The following GPAT4 variants were observed in gnomAD, a reference collection of about 807,000 sequenced individuals.
The protein encoded by GPAT4 is glycerol-3-phosphate acyltransferase 4.
In GPAT4, 17 loss-of-function variants were observed where a neutral mutation model predicts 58.0. The observed-to-expected ratio is 0.29, with a 90% CI of 0.20 to 0.44. The LOEUF (loss-of-function observed/expected upper bound fraction) is 0.44. Ranked by LOEUF, GPAT4 falls within the 20% of genes least tolerant of loss-of-function variation. The pLI is 1.00. For synonymous variants in GPAT4, 204 were observed against 210.1 expected (o/e 0.97, Z 0.25); for missense variants, 377 against 574.5 (o/e 0.66, Z 3.51).
Position 41,596,706 on chromosome 8 carries a change from T to TA in GPAT4, c.-848-1584dup, listed in dbSNP as rs1802944313. Among the ~76,000 whole-genome samples, 9 of 152,344 alleles carry TA rather than the reference T, an allele frequency of 5.9e-5. 1 individual carries two copies. In the South Asian group the frequency reaches 1.9e-3, roughly 32 times the overall value. On this transcript the variant is annotated intron_variant, in intron 1 of 12. Transcript: ENST00000396987. Reference sequence around the variant, plus strand: ...CTCCACAGGGCAGGCCTAAGTCACCTAAGGGGCTGCCTTGGCCTTCCTCTA... The same window carrying TA: ...CTCCACAGGGCAGGCCTAAGTCACCTAAAGGGGCTGCCTTGGCCTTCCTCTA...
chr8:41,612,055 C>G (rs1373635123), intron 6 of GPAT4, 63 bp downstream of exon 6: 2 of 1,597,288 alleles, frequency 1.3e-6, no homozygotes, highest in East Asian at 2.2e-5. Flanking sequence ...CCCACCTATA[C>G]TTAGCCAAAT....
At chr8:41,583,598 C>G (rs903871885) in intron 1 of GPAT4, among the ~76,000 whole-genome samples, 1 of 151,920 alleles carries the variant, frequency 6.6e-6, no homozygotes, top group South Asian at 2.1e-4. Context: ...TTTTTTCATG[C>G]TAAGTCATTG....
At chr8:41,601,851 C>T (rs965181926) in intron 2 of GPAT4, among the ~76,000 whole-genome samples, 1 of 152,220 alleles carries the variant, frequency 6.6e-6, no homozygotes, top group African/African-American at 2.4e-5. Context: ...ATGGAAAATT[C>T]ATCATATGTG....
At position 41,621,206 on chromosome 8, in the gene GPAT4, C is replaced by A; in HGVS notation, c.*205C>A. 1.5e-6 allele frequency: 1 copy of A among 680,860 alleles called. No individual in the cohort carries two copies. The highest frequency in any genetic ancestry group is 2.4e-6 in the Non-Finnish European group (1 of 414,794). The allele number at this position is 680,860 out of a possible 1,614,324, so 42.2% of individuals were successfully genotyped here. ...CTACCCTTGGTGGTCTAAACGGATG[C>A]TGCTGGGTGTTGCGACCCAGGACGA... On this transcript the variant is annotated 3_prime_UTR_variant, in exon 13 of 13. Coordinates refer to ENST00000396987, the MANE Select transcript of GPAT4 (RefSeq NM_178819.4).
chr8:41,599,344 G>T, intron 2 of GPAT4, 40 bp downstream of exon 2: 2 of 1,599,734 alleles, frequency 1.3e-6, no homozygotes, highest in Non-Finnish European at 1.7e-6. Context: ...CACAGAGGAG[G>T]GTAGAAGTGC....
intron 8 of GPAT4, 73 bp downstream of exon 8, chr8:41,613,033 C>A: frequency 1.6e-6 from 2 of 1,287,766 alleles, no homozygotes; most frequent in Non-Finnish European, 2.2e-6. Flanking sequence ...GTTATCCCTC[C>A]ACAGTGCAGT....
chr8:41,618,364 T>C (rs1280740431), intron 10 of GPAT4, among the ~76,000 whole-genome samples: 2 of 152,154 alleles, frequency 1.3e-5, no homozygotes, highest in Non-Finnish European at 2.9e-5. Context: ...TCCCTGGTTT[T>C]GGAGATGTTT....
chr8:41,619,906 T>C (rs934493116), intron 12 of GPAT4, among the ~76,000 whole-genome samples: 2 of 152,234 alleles, frequency 1.3e-5, no homozygotes, highest in African/African-American at 4.8e-5. Context: ...GGGCCCTGTG[T>C]GATCGTCTCT....
chr8:41,578,740 C>T (rs571238319), intron 1 of GPAT4, among the ~76,000 whole-genome samples: 4 of 152,350 alleles, frequency 2.6e-5, no homozygotes, highest in African/African-American at 7.2e-5. Context: ...CAAATGCATG[C>T]TCCCATTTTT....
intron 2 of GPAT4, among the ~76,000 whole-genome samples, chr8:41,607,540 CTT>C (rs397946899): frequency 3.8e-4 from 53 of 140,120 alleles, no homozygotes; most frequent in East Asian, 6.1e-4. Flanking sequence ...GTTTCTCTCT[CTT>C]TTTTTTTTTT....
rs1803742367 is a variant in GPAT4 at position 41,621,253 on chromosome 8, T to TA, written c.*254dup. On this transcript the variant is annotated 3_prime_UTR_variant, in exon 13 of 13. Transcript: ENST00000396987. The stretch of plus-strand genomic sequence containing the variant: ...ACGAGATGCCTTGTTTCTTTTACAA[T>TA]AAGTCGTTGGAGGAATGCCATTAAA... The TA allele has an allele frequency of 5.6e-6, 3 of 532,026 alleles. No individual in the cohort carries two copies. Among genetic ancestry groups the TA allele is most frequent in the Non-Finnish European group, 3.4e-6 (1 of 297,186 alleles). The allele number at this position is 532,026 out of a possible 1,614,324, so 33.0% of individuals were successfully genotyped here. A position where few individuals can be genotyped will look rare whatever the true frequency, so the allele number is the denominator to read the frequency against.
At chr8:41,589,017 G>A (rs1298384053) in intron 1 of GPAT4, among the ~76,000 whole-genome samples, 1 of 152,150 alleles carries the variant, frequency 6.6e-6, no homozygotes, top group African/African-American at 2.4e-5. Context: ...ATTCTTAAGG[G>A]GTCATGCTTA....
intron 1 of GPAT4, among the ~76,000 whole-genome samples, chr8:41,580,021 C>A (rs1802471435): frequency 6.6e-6 from 1 of 152,056 alleles, no homozygotes; most frequent in East Asian, 1.9e-4. Context: ...TTCCACTGAC[C>A]CATACTACTT....
chr8:41,618,681 C>T lies in GPAT4; in HGVS notation c.1054-3C>T. ...CTTACCTCCAGCTTTCCATTGTTTTCAGTATGACCCTCAATTTGGCGATGC... is the reference window on the plus strand; with the variant it reads ...CTTACCTCCAGCTTTCCATTGTTTTTAGTATGACCCTCAATTTGGCGATGC... On this transcript the variant is annotated splice_polypyrimidine_tract_variant and splice_region_variant and intron_variant, in intron 10 of 12. Coordinates refer to ENST00000396987, the MANE Select transcript of GPAT4 (RefSeq NM_178819.4). 6.2e-7 allele frequency: 1 copy of T among 1,614,002 alleles called. No homozygotes were observed. Among genetic ancestry groups the T allele is most frequent in the South Asian group, 1.1e-5 (1 of 91,078 alleles).
chr8:41,607,103 C>G (rs1040384042), intron 2 of GPAT4, among the ~76,000 whole-genome samples: 1 of 152,164 alleles, frequency 6.6e-6, no homozygotes, highest in African/African-American at 2.4e-5. Context: ...GTTCATTGAT[C>G]AGCCATTTCT....
intron 2 of GPAT4, among the ~76,000 whole-genome samples, chr8:41,602,492 G>C (rs958871100): frequency 4.6e-5 from 7 of 152,118 alleles, no homozygotes; most frequent in Admixed American, 6.5e-5. Flanking sequence ...CAGGGGCCTG[G>C]GGTGCTCCGG....
At chr8:41,599,451 A>C in intron 2 of GPAT4, 147 bp downstream of exon 2, 1 of 962,004 alleles carries the variant, frequency 1.0e-6, no homozygotes, top group South Asian at 1.6e-5. Flanking sequence ...AAGAAGAATA[A>C]CTAAACGTCT....
chr8:41,586,120 A>G (rs1334664582), intron 1 of GPAT4, among the ~76,000 whole-genome samples: 3 of 152,218 alleles, frequency 2.0e-5, no homozygotes, highest in Non-Finnish European at 4.4e-5. Flanking sequence ...AAAGTAACCA[A>G]CAATCTACTT....
intron 1 of GPAT4, among the ~76,000 whole-genome samples, chr8:41,596,696 C>T (rs1344191142): frequency 6.6e-6 from 1 of 152,248 alleles, no homozygotes; most frequent in African/African-American, 2.4e-5. Flanking sequence ...CAGGGCAGGC[C>T]TAAGTCACCT....
Sources: allele counts gnomAD v4.1 joint callset (sites outside exome capture counted in the v4.1 genomes callset), GRCh38; gene constraint gnomAD v4.1.1; transcripts MANE v1.5; gene names NCBI Gene and HGNC (gene_info 2026-07-23, HGNC 2026-07-21).